The following AJAP1 variants were observed in gnomAD, a reference collection of about 807,000 sequenced individuals.
The protein encoded by AJAP1 is adherens junctions associated protein 1, also known as adherens junction-associated protein 1.
AJAP1 carries 5 observed loss-of-function variants against 35.0 expected under a neutral mutation model. That is an observed-to-expected ratio of 0.14 (90% CI 0.07 to 0.30). The LOEUF (loss-of-function observed/expected upper bound fraction) is 0.30, where lower values mean the gene tolerates loss of function less well. AJAP1 is among the 10% of genes least tolerant of loss of function. The probability of loss-of-function intolerance (pLI) is 1.00; values close to 1 mark genes in which losing one functional copy is unlikely to be tolerated. For synonymous variants in AJAP1, 284 were observed against 249.3 expected, an observed-to-expected ratio of 1.14 and a Z score of -1.31; for missense variants, 586 against 571.0, an observed-to-expected ratio of 1.03 and a Z score of -0.27.
intron 2 of AJAP1, among the ~76,000 whole-genome samples, chr1:4,768,532 T>G (rs191293758): frequency 6.2e-4 from 94 of 152,376 alleles, no homozygotes; most frequent in African/African-American, 2.1e-3. Flanking sequence ...CAGAAAAATC[T>G]TGACACTGAA....
chr1:4,769,638 C>A (rs949044865), intron 2 of AJAP1, among the ~76,000 whole-genome samples: 2 of 152,284 alleles, frequency 1.3e-5, no homozygotes, highest in African/African-American at 2.4e-5. Flanking sequence ...GGAGCTCCCC[C>A]TTCCTGGACC....
intron 1 of AJAP1, among the ~76,000 whole-genome samples, chr1:4,662,397 G>A (rs376647159): frequency 2.6e-5 from 4 of 152,110 alleles, no homozygotes; most frequent in Admixed American, 6.5e-5. Context: ...GTGTGTCTAC[G>A]CAGTAGCTTG....
chr1:4,750,073 T>C (rs1447077682), intron 2 of AJAP1, among the ~76,000 whole-genome samples: 4 of 152,138 alleles, frequency 2.6e-5, no homozygotes. Flanking sequence ...TGCCAGTGTG[T>C]CTGGTTGTGT....
intron 2 of AJAP1, among the ~76,000 whole-genome samples, chr1:4,742,132 C>T (rs1305362803): frequency 6.6e-6 from 1 of 152,194 alleles, no homozygotes; most frequent in Non-Finnish European, 1.5e-5. Context: ...ATGGGACATT[C>T]ATCTCCAGTT....
intron 2 of AJAP1, among the ~76,000 whole-genome samples, chr1:4,759,820 C>A (rs3753722): frequency 1.3e-5 from 2 of 152,054 alleles, no homozygotes; most frequent in Non-Finnish European, 2.9e-5. Context: ...GTGCTGGTGG[C>A]GCTGGGAGTT....
chr1:4,765,697 A>G (rs1373609459), intron 2 of AJAP1, among the ~76,000 whole-genome samples: 3 of 152,210 alleles, frequency 2.0e-5, no homozygotes, highest in Non-Finnish European at 2.9e-5. Context: ...CATGGCTGAA[A>G]TAGTTCTAAG....
intron 2 of AJAP1, among the ~76,000 whole-genome samples, chr1:4,744,132 C>A (rs918634762): frequency 2.6e-5 from 4 of 152,142 alleles, no homozygotes; most frequent in African/African-American, 9.7e-5. Flanking sequence ...GTCATTTTGT[C>A]AAGGGCAGCA....
intron 1 of AJAP1, among the ~76,000 whole-genome samples, chr1:4,694,505 C>T (rs1406399289): frequency 6.6e-6 from 1 of 152,258 alleles, no homozygotes; most frequent in Non-Finnish European, 1.5e-5. Context: ...GGGGGACAGA[C>T]ACCGTCCTTG....
rs907796472 is a variant in AJAP1, at chr1:4,692,025, A to T, written c.30-19875A>T. Among the ~76,000 whole-genome samples the T allele has an allele frequency of 6.6e-6, 1 of 152,282 alleles. No individual in the cohort carries two copies. Among genetic ancestry groups the T allele is most frequent in the Non-Finnish European group, 1.5e-5 (1 of 68,014 alleles). On this transcript the variant is annotated intron_variant, in intron 1 of 5. Transcript: ENST00000378191. This position sits in a 1 kb window ranked among gnomAD's most constrained non-coding sequence, Gnocchi z 4.4. ...GGGAGCCAAGAACAGCCTTTGCCCCAGGCCGGGTGTCCCTGAGACTGGCCG... is the reference window on the plus strand; with the variant it reads ...GGGAGCCAAGAACAGCCTTTGCCCCTGGCCGGGTGTCCCTGAGACTGGCCG...
At chr1:4,697,704 G>C (rs1450415028) in intron 1 of AJAP1, among the ~76,000 whole-genome samples, 1 of 152,254 alleles carries the variant, frequency 6.6e-6, no homozygotes, top group African/African-American at 2.4e-5. Context: ...AACATGGGGA[G>C]AGTAGCGTGT....
intron 2 of AJAP1, among the ~76,000 whole-genome samples, chr1:4,714,982 G>A (rs1640355407): frequency 6.6e-6 from 1 of 152,154 alleles, no homozygotes; most frequent in Non-Finnish European, 1.5e-5. Context: ...TCTTTGCTTA[G>A]GCTACTGAGA....
At chr1:4,741,500 T>C (rs1641068526) in intron 2 of AJAP1, among the ~76,000 whole-genome samples, 1 of 152,232 alleles carries the variant, frequency 6.6e-6, no homozygotes, top group Non-Finnish European at 1.5e-5. Flanking sequence ...CAGTCATGTG[T>C]GACCTCATCT....
chr1:4,681,051 G>A (rs1169181022), intron 1 of AJAP1, among the ~76,000 whole-genome samples: 1 of 152,208 alleles, frequency 6.6e-6, no homozygotes, highest in East Asian at 1.9e-4. Flanking sequence ...CCCGTTATTG[G>A]TTTAAAATCC....
intron 1 of AJAP1, among the ~76,000 whole-genome samples, chr1:4,702,516 T>C (rs564036224): frequency 3.3e-5 from 5 of 152,364 alleles, no homozygotes; most frequent in African/African-American, 9.6e-5. Context: ...GAACCCTTCG[T>C]GAAGGTTCAC....
chr1:4,737,906 A>G, intron 2 of AJAP1, among the ~76,000 whole-genome samples: 1 of 150,742 alleles, frequency 6.6e-6, no homozygotes, highest in Admixed American at 6.7e-5. Flanking sequence ...TCTTTCAAAA[A>G]AACCAAAACC....
chr1:4,763,299 C>T (rs1641613055), intron 2 of AJAP1, among the ~76,000 whole-genome samples: 1 of 152,252 alleles, frequency 6.6e-6, no homozygotes, highest in South Asian at 2.1e-4. Flanking sequence ...CTGCCCTTCA[C>T]TGTGTTGTTG....
intron 1 of AJAP1, among the ~76,000 whole-genome samples, chr1:4,669,954 C>T (rs1306259383): frequency 2.0e-5 from 3 of 152,208 alleles, no homozygotes; most frequent in African/African-American, 2.4e-5. Flanking sequence ...TTCTTGGACA[C>T]GGGCTTTATC....
intron 1 of AJAP1, among the ~76,000 whole-genome samples, chr1:4,672,444 C>T (rs1639270711): frequency 6.6e-6 from 1 of 152,188 alleles, no homozygotes; most frequent in Non-Finnish European, 1.5e-5. Flanking sequence ...TATTTCTTTT[C>T]AAGCCCCTGT....
At position 4,782,098 on chromosome 1, in the gene AJAP1, C is replaced by T. The variant is rs141627656; in HGVS notation, c.*60-447C>T. Among the ~76,000 whole-genome samples, 36 of 152,330 alleles carry T rather than the reference C, an allele frequency of 2.4e-4. No individual in the cohort carries two copies. The East Asian group carries it at 6.0e-3, about 25-fold the overall frequency. The stretch of plus-strand genomic sequence containing the variant: ...AAACAGACTCCCATTCTTCCCGCAG[C>T]ACAGGAGTGGAGCAGGCCCCACGCC... On this transcript the variant is annotated intron_variant, in intron 5 of 5. Coordinates refer to ENST00000378191, the MANE Select transcript of AJAP1 (RefSeq NM_018836.4). The surrounding 1 kb of genome is among the most constrained non-coding windows in gnomAD (Gnocchi z 5.3).
Sources: allele counts gnomAD v4.1 joint callset (sites outside exome capture counted in the v4.1 genomes callset), GRCh38; gene constraint gnomAD v4.1.1; non-coding constraint Gnocchi (gnomAD v3.1); transcripts MANE v1.5; gene names NCBI Gene and HGNC (gene_info 2026-07-23, HGNC 2026-07-21).